Variants in LRRN2 observed in about 807,000 individuals in gnomAD.
The protein encoded by LRRN2 is leucine rich repeat neuronal 2, also known as leucine-rich repeat neuronal protein 2.
LRRN2 carries 10 observed loss-of-function variants against 35.7 expected under a neutral mutation model. That is an observed-to-expected ratio of 0.28 (90% CI 0.17 to 0.47). The LOEUF is 0.47. LRRN2 is among the 20% of genes least tolerant of loss of function. The pLI is 0.99. For missense variants in LRRN2, 731 were observed against 940.3 expected, an observed-to-expected ratio of 0.78 and a Z score of 2.91; for synonymous variants, 391 against 409.6, an observed-to-expected ratio of 0.95 and a Z score of 0.55.
chr1:204,667,541 G>T (rs1021565638), intron 1 of LRRN2, among the ~76,000 whole-genome samples: 1 of 152,130 alleles, frequency 6.6e-6, no homozygotes, highest in Admixed American at 6.5e-5. Context: ...GACACTGGGA[G>T]TGCCCATATA....
At chr1:204,642,210 T>A (rs1667994132) in intron 1 of LRRN2, among the ~76,000 whole-genome samples, 1 of 152,172 alleles carries the variant, frequency 6.6e-6, no homozygotes, top group South Asian at 2.1e-4. Context: ...ATGATAAAAA[T>A]AATAATAATT....
At chr1:204,675,394 T>C (rs755767802) in intron 1 of LRRN2, among the ~76,000 whole-genome samples, 1 of 152,244 alleles carries the variant, frequency 6.6e-6, no homozygotes, top group Non-Finnish European at 1.5e-5. Context: ...GGCTTCAAGC[T>C]AGGTGTCGGT....
chr1:204,642,221 A>G (rs1348159605), intron 1 of LRRN2, among the ~76,000 whole-genome samples: 1 of 152,230 alleles, frequency 6.6e-6, no homozygotes, highest in African/African-American at 2.4e-5. Flanking sequence ...AATAATAATT[A>G]ACATGGCTGT....
In LRRN2 at chr1:204,617,703, A is replaced by C. The variant is rs1666443354; in HGVS notation, c.*148T>G. 4.4e-6 allele frequency: 4 copies of C among 901,840 alleles called. No homozygotes were observed. The Admixed American group carries it at 8.8e-5, about 20-fold the overall frequency. 55.9% of individuals were successfully genotyped at this position (901,840 alleles called of 1,614,324 possible). A position where few individuals can be genotyped will look rare whatever the true frequency, so the allele number is the denominator to read the frequency against. ...AGGCTGCAGAAGCACCCCCAGGGCC[A>C]CAAAGCCCCATCTGTCTTGGCCCAG... On this transcript the variant is annotated 3_prime_UTR_variant, in exon 2 of 2. Transcript: ENST00000367177.
At position 204,618,421 on chromosome 1, in the gene LRRN2, G is replaced by A. The variant is rs754606335; in HGVS notation, c.1572C>T (p.Asp524=). ...CCCGGAGCTCCAGCCCCTGTCCTTC[G>A]TCCCTGCCTGGCTGGAGGAGAGCAC... The part of the protein sequence containing the change: ...VGRALLQPGR[D]EGQGLELRVQ... Residue 524 remains aspartate (D), a synonymous_variant, in exon 2 of 2, where the codon GAC becomes GAT. Transcript: ENST00000367177. 4.1e-5 allele frequency: 66 copies of A among 1,613,964 alleles called. No individual in the cohort carries two copies. Among genetic ancestry groups the A allele is most frequent in the East Asian group, 1.1e-4 (5 of 44,880 alleles).
chr1:204,621,065 A>G (rs1436463118), intron 1 of LRRN2: 1 of 166,954 alleles, frequency 6.0e-6, no homozygotes, highest in Admixed American at 6.5e-5. Flanking sequence ...GCTGCCCAGG[A>G]TCTTCTGGGT....
intron 1 of LRRN2, among the ~76,000 whole-genome samples, chr1:204,652,382 AG>A (rs1356790044): frequency 6.6e-6 from 1 of 151,234 alleles, no homozygotes; most frequent in Non-Finnish European, 1.5e-5. Context: ...GTTTCGAGTC[AG>A]GTAAGAGGCA....
chr1:204,626,099 T>C (rs1380436137), intron 1 of LRRN2, among the ~76,000 whole-genome samples: 1 of 152,060 alleles, frequency 6.6e-6, no homozygotes, highest in African/African-American at 2.4e-5. Flanking sequence ...CTCCTAACCA[T>C]CCATCCCCTG....
At chr1:204,671,373 G>C (rs72753890) in intron 1 of LRRN2, among the ~76,000 whole-genome samples, 2 of 148,774 alleles carry the variant, frequency 1.3e-5, no homozygotes, top group Non-Finnish European at 3.0e-5. Context: ...GTGATGGTGA[G>C]TTTGTAGAAG....
chr1:204,668,392 C>T (rs1362766041), intron 1 of LRRN2, among the ~76,000 whole-genome samples: 2 of 152,096 alleles, frequency 1.3e-5, no homozygotes, highest in Non-Finnish European at 2.9e-5. Context: ...AACAGGAGTT[C>T]GAGACCAGCC....
At chr1:204,631,492 TA>T (rs200272763) in intron 1 of LRRN2, among the ~76,000 whole-genome samples, 2 of 149,974 alleles carry the variant, frequency 1.3e-5, no homozygotes, top group African/African-American at 4.9e-5. Context: ...ATTCACAGGT[TA>T]AAAAGAAAAC....
chr1:204,617,389 G>A lies in LRRN2; in HGVS notation c.*462C>T, dbSNP rs1258797070. 6.2e-6 allele frequency: 1 copy of A among 162,008 alleles called. No homozygotes were observed. The highest frequency in any genetic ancestry group is 1.4e-5 in the Non-Finnish European group (1 of 73,382). 10.0% of individuals were successfully genotyped at this position (162,008 alleles called of 1,614,324 possible). On this transcript the variant is annotated 3_prime_UTR_variant, in exon 2 of 2. Transcript: ENST00000367177. ...TCCCAAATGTCCTTCAGATCTGGCT[G>A]GGGTCACTCCCACATTGAGGGCAGC...
At chr1:204,663,206 G>A (rs939609173) in intron 1 of LRRN2, among the ~76,000 whole-genome samples, 10 of 152,152 alleles carry the variant, frequency 6.6e-5, no homozygotes, top group Non-Finnish European at 1.2e-4. Flanking sequence ...GAGTCTTCAT[G>A]GCTCCTCTGG....
intron 1 of LRRN2, among the ~76,000 whole-genome samples, chr1:204,625,442 C>A (rs187585594): frequency 5.3e-5 from 8 of 152,296 alleles, no homozygotes; most frequent in Admixed American, 4.6e-4. Flanking sequence ...CATCTCTCAA[C>A]TTTTGTAATA....
intron 1 of LRRN2, among the ~76,000 whole-genome samples, chr1:204,677,774 C>T (rs939664154): frequency 1.3e-5 from 2 of 152,134 alleles, no homozygotes; most frequent in African/African-American, 4.8e-5. Flanking sequence ...CATCTGGTCT[C>T]GGGCAGGAGA....
At chr1:204,636,555 G>C (rs2102597844) in intron 1 of LRRN2, among the ~76,000 whole-genome samples, 1 of 152,254 alleles carries the variant, frequency 6.6e-6, no homozygotes, top group East Asian at 1.9e-4. Context: ...GGGCAACATA[G>C]TGATCTGAAA....
chr1:204,657,591 G>A (rs1033185583), intron 1 of LRRN2, among the ~76,000 whole-genome samples: 1 of 152,114 alleles, frequency 6.6e-6, no homozygotes, highest in Non-Finnish European at 1.5e-5. Flanking sequence ...GGGAGAATGA[G>A]GAGTGGCTGC....
chr1:204,654,363 A>C (rs1668299391), intron 1 of LRRN2, among the ~76,000 whole-genome samples: 2 of 152,232 alleles, frequency 1.3e-5, no homozygotes, highest in African/African-American at 4.8e-5. Flanking sequence ...AATCTTAATG[A>C]AAATCAGAAG....
At chr1:204,631,276 A>ATATATATATG (rs1667693783) in intron 1 of LRRN2, among the ~76,000 whole-genome samples, 2 of 80,158 alleles carry the variant, frequency 2.5e-5, no homozygotes, top group Admixed American at 2.3e-4. Context: ...ATATATATAT[A>ATATATATATG]TATATATATA....
Sources: gnomAD v4.1 joint callset for allele counts (sites outside exome capture counted in the v4.1 genomes callset) on GRCh38, gnomAD v4.1.1 for gene constraint, MANE v1.5 for transcripts, NCBI Gene and HGNC (gene_info 2026-07-23, HGNC 2026-07-21) for gene names.